The following MACROD2 variants were observed in gnomAD, a reference collection of about 807,000 sequenced individuals.
MACROD2 encodes mono-ADP ribosylhydrolase 2.
Under a neutral mutation model 70.4 loss-of-function variants are expected in MACROD2, and 36 were observed. The ratio of observed to expected loss-of-function variants is 0.51; its 90% CI spans 0.39 to 0.68. MACROD2 has a LOEUF of 0.68. Ranked by LOEUF, MACROD2 falls within the 30% of genes least tolerant of loss-of-function variation. MACROD2 has a pLI of 0.00. For synonymous variants in MACROD2, 172 were observed against 178.8 expected (o/e 0.96, Z 0.30); for missense variants, 496 against 538.4 (o/e 0.92, Z 0.78).
chr20:14,629,247 G>C (rs1481022948), intron 4 of MACROD2, among the ~76,000 whole-genome samples: 1 of 152,066 alleles, frequency 6.6e-6, no homozygotes, highest in Non-Finnish European at 1.5e-5. Flanking sequence ...ATTGGTTCCA[G>C]GTTAGTTAAG....
chr20:15,575,695 C>G (rs190796906), intron 8 of MACROD2, among the ~76,000 whole-genome samples: 1 of 152,294 alleles, frequency 6.6e-6, no homozygotes, highest in East Asian at 1.9e-4. Flanking sequence ...TAAAACATTT[C>G]ATGGAAGCAT....
At chr20:15,066,111 C>CTTTTTTTTT (rs576117795) in intron 5 of MACROD2, among the ~76,000 whole-genome samples, 1 of 142,644 alleles carries the variant, frequency 7.0e-6, no homozygotes, top group Non-Finnish European at 1.5e-5. Flanking sequence ...GAGCTGCTTT[C>CTTTTTTTTT]TTTTTTTTTT....
intron 7 of MACROD2, among the ~76,000 whole-genome samples, chr20:15,438,233 T>C (rs1009982415): frequency 2.0e-5 from 3 of 152,158 alleles, no homozygotes; most frequent in African/African-American, 7.2e-5. Context: ...AGTTCTGCTT[T>C]GAGCTCTTTG....
chr20:14,007,330 C>CT (rs1202083279), intron 2 of MACROD2, among the ~76,000 whole-genome samples: 2 of 151,984 alleles, frequency 1.3e-5, no homozygotes, highest in African/African-American at 4.8e-5. Flanking sequence ...CCAAAGAGTC[C>CT]TTTTTTTAAA....
At chr20:15,252,802 T>C (rs1414286297) in intron 6 of MACROD2, among the ~76,000 whole-genome samples, 1 of 152,206 alleles carries the variant, frequency 6.6e-6, no homozygotes. Context: ...TGTCTCCTTG[T>C]ATGCAAATTT....
At chr20:15,282,135 G>A (rs1401881368) in intron 6 of MACROD2, among the ~76,000 whole-genome samples, 1 of 152,210 alleles carries the variant, frequency 6.6e-6, no homozygotes, top group Non-Finnish European at 1.5e-5. Flanking sequence ...AAGCAGCAAG[G>A]CCCTGGGCCC....
intron 7 of MACROD2, among the ~76,000 whole-genome samples, chr20:15,453,984 C>G (rs1178804013): frequency 2.0e-5 from 3 of 152,052 alleles, no homozygotes; most frequent in Non-Finnish European, 4.4e-5. Flanking sequence ...GCCTGTGTCT[C>G]CCACGCAATC....
At chr20:15,114,515 C>T (rs745981732) in intron 5 of MACROD2, among the ~76,000 whole-genome samples, 1 of 152,080 alleles carries the variant, frequency 6.6e-6, no homozygotes, top group Admixed American at 6.5e-5. Flanking sequence ...GTCTTAACAA[C>T]CACAAAGGAC....
At chr20:14,957,555 A>G (rs116972193) in intron 5 of MACROD2, among the ~76,000 whole-genome samples, 1,782 of 152,136 alleles carry the variant, frequency 0.012, 23 homozygotes, top group Non-Finnish European at 0.018. Context: ...GCTCTAATCG[A>G]TTGGTAATGG....
intron 4 of MACROD2, among the ~76,000 whole-genome samples, chr20:14,504,465 A>G (rs1364025188): frequency 1.3e-5 from 2 of 152,230 alleles, no homozygotes; most frequent in Non-Finnish European, 1.5e-5. Context: ...TAAGTTCACG[A>G]GTTCAAATTA....
At chr20:14,906,680 G>A (rs2073963497) in intron 5 of MACROD2, among the ~76,000 whole-genome samples, 1 of 152,036 alleles carries the variant, frequency 6.6e-6, no homozygotes, top group Non-Finnish European at 1.5e-5. Flanking sequence ...ATTCAGTAAT[G>A]CGATTCTGAA....
intron 2 of MACROD2, among the ~76,000 whole-genome samples, chr20:14,075,129 A>G (rs1293048734): frequency 2.0e-5 from 3 of 152,204 alleles, no homozygotes; most frequent in Non-Finnish European, 4.4e-5. Flanking sequence ...GAAGCCATGA[A>G]GTGCTTCTTT....
intron 11 of MACROD2, among the ~76,000 whole-genome samples, chr20:15,937,044 G>A (rs1049419323): frequency 6.6e-6 from 1 of 152,102 alleles, no homozygotes; most frequent in African/African-American, 2.4e-5. Flanking sequence ...TTGACAGCCT[G>A]GCATAATGGA....
At chr20:15,455,767 A>G (rs1356633670) in intron 7 of MACROD2, among the ~76,000 whole-genome samples, 3 of 152,022 alleles carry the variant, frequency 2.0e-5, no homozygotes, top group Non-Finnish European at 4.4e-5. Context: ...TTTTCTTTCT[A>G]TTGTAACGTC....
intron 1 of MACROD2, among the ~76,000 whole-genome samples, chr20:14,001,737 C>T (rs934920176): frequency 1.3e-5 from 2 of 152,126 alleles, no homozygotes; most frequent in African/African-American, 4.8e-5. Flanking sequence ...GGAGCTTTTA[C>T]TTACGGGGCA....
chr20:15,400,081 A>G (rs1030925121), intron 6 of MACROD2, among the ~76,000 whole-genome samples: 4 of 152,164 alleles, frequency 2.6e-5, no homozygotes, highest in African/African-American at 4.8e-5. Context: ...CAGGAAGTTG[A>G]AAAGAAAGAC....
At chr20:15,440,425 C>T (rs1001415663) in intron 7 of MACROD2, among the ~76,000 whole-genome samples, 3 of 152,160 alleles carry the variant, frequency 2.0e-5, no homozygotes, top group Non-Finnish European at 2.9e-5. Flanking sequence ...TGCTATCCAC[C>T]ACATGCTGGC....
chr20:15,637,579 C>G (rs2049389760), intron 8 of MACROD2, among the ~76,000 whole-genome samples: 1 of 152,186 alleles, frequency 6.6e-6, no homozygotes, highest in African/African-American at 2.4e-5. Context: ...ACAAAATGTT[C>G]AAGTAGCTGC....
intron 8 of MACROD2, among the ~76,000 whole-genome samples, chr20:15,762,140 G>C (rs1298942607): frequency 6.6e-6 from 1 of 152,062 alleles, no homozygotes; most frequent in Non-Finnish European, 1.5e-5. Context: ...AATAATAATG[G>C]AAATAATGGC....
Sources: allele counts gnomAD v4.1 joint callset (sites outside exome capture counted in the v4.1 genomes callset), GRCh38; gene constraint gnomAD v4.1.1; transcripts MANE v1.5; gene names NCBI Gene and HGNC (gene_info 2026-07-23, HGNC 2026-07-21).